The following NHS variants were observed in gnomAD, a reference collection of about 807,000 sequenced individuals.
NHS encodes the protein NHS actin remodeling regulator, also known as actin remodeling regulator NHS.
NHS carries 5 observed loss-of-function variants against 72.5 expected under a neutral mutation model. That is an observed-to-expected ratio of 0.07 (90% CI 0.04 to 0.14). The LOEUF (loss-of-function observed/expected upper bound fraction) is 0.14. NHS is among the 10% of genes least tolerant of loss of function. NHS has a pLI of 1.00. For missense variants in NHS, 1,072 were observed against 1,355.7 expected (o/e 0.79, Z 3.29); for synonymous variants, 464 against 547.7 (o/e 0.85, Z 2.13).
At chrX:17,588,636 C>T (rs1474419998) in intron 1 of NHS, among the ~76,000 whole-genome samples, 6 of 109,648 alleles carry the variant, frequency 5.5e-5, no homozygotes, top group African/African-American at 1.3e-4. Flanking sequence ...TCAAACCTCA[C>T]GACCTAGCAA....
chrX:17,700,805 C>A (rs1232597918), intron 3 of NHS, among the ~76,000 whole-genome samples: 4 of 111,547 alleles, frequency 3.6e-5, no homozygotes, highest in Non-Finnish European at 7.5e-5. Flanking sequence ...AGCAGGAAGA[C>A]CTTTATGAAC....
chrX:17,625,762 T>G lies in NHS; in HGVS notation c.566-61980T>G, dbSNP rs1268631120. On this transcript the variant is annotated intron_variant, in intron 1 of 8. Transcript: ENST00000676302. The stretch of plus-strand genomic sequence containing the variant: ...TATTTAGCCCACTCTTTTCAAAATA[T>G]TATCATTTTGGTATATAAAATCAAC... Among the ~76,000 whole-genome samples the G allele has an allele frequency of 3.6e-5, 4 of 112,056 alleles. No homozygotes were observed. The East Asian group carries it at 1.1e-3, about 31-fold the overall frequency.
At position 17,692,478 on chromosome X, in the gene NHS, G is replaced by A; in HGVS notation, c.852+10G>A. On this transcript the variant is annotated intron_variant, in intron 3 of 8. Coordinates refer to ENST00000676302, the MANE Select transcript of NHS (RefSeq NM_001291867.2). ...CCGTCACTTTTTAACGGTAAGTTTG[G>A]TGGCCACCTGCAGCCCTATGCTTGC... is the stretch of plus-strand genomic sequence containing the variant. The A allele has an allele frequency of 8.3e-7, 1 of 1,210,388 alleles. No homozygotes were observed.
intron 1 of NHS, among the ~76,000 whole-genome samples, chrX:17,389,264 C>T (rs2064427637): frequency 8.9e-6 from 1 of 112,063 alleles, no homozygotes; most frequent in Admixed American, 9.4e-5. Context: ...GGTAATACTA[C>T]TTTCAGGTAG....
chrX:17,498,365 C>T (rs918895084), intron 1 of NHS, among the ~76,000 whole-genome samples: 2 of 111,132 alleles, frequency 1.8e-5, no homozygotes, highest in Non-Finnish European at 3.8e-5. Flanking sequence ...CCACACCTGC[C>T]TCTATCTGAT....
intron 1 of NHS, among the ~76,000 whole-genome samples, chrX:17,498,488 G>A (rs767245724): frequency 2.5e-4 from 28 of 111,849 alleles, no homozygotes; most frequent in African/African-American, 8.8e-4. Flanking sequence ...TGCAATTCAG[G>A]GTGTTGCAGT....
intron 1 of NHS, among the ~76,000 whole-genome samples, chrX:17,644,981 G>A (rs2065899707): frequency 9.1e-6 from 1 of 110,481 alleles, no homozygotes. Flanking sequence ...TTTCATCTCT[G>A]CTATAGTATT....
intron 1 of NHS, among the ~76,000 whole-genome samples, chrX:17,551,983 TC>T (rs1437990409): frequency 9.0e-6 from 1 of 111,209 alleles, no homozygotes; most frequent in Non-Finnish European, 1.9e-5. Flanking sequence ...ATATCTTTAG[TC>T]TTTACAAGAA....
intron 1 of NHS, among the ~76,000 whole-genome samples, chrX:17,681,511 G>C (rs181087028): frequency 1.8e-5 from 2 of 111,553 alleles, no homozygotes; most frequent in African/African-American, 6.5e-5. Flanking sequence ...GGATTTTGGT[G>C]ACTGGCATCA....
At chrX:17,527,960 T>C (rs894791413) in intron 1 of NHS, among the ~76,000 whole-genome samples, 3 of 111,487 alleles carry the variant, frequency 2.7e-5, no homozygotes, top group Non-Finnish European at 3.8e-5. Flanking sequence ...GGCTGAAACC[T>C]GTGAGATGTT....
chrX:17,721,330 C>A (rs2066404507), intron 4 of NHS, 111 bp from the exon 5 acceptor site: 1 of 684,714 alleles, frequency 1.5e-6, no homozygotes, highest in Non-Finnish European at 2.3e-6. Flanking sequence ...CTTCCTTTGT[C>A]CTAAGGGCCT....
At chrX:17,587,551 T>A (rs908903575) in intron 1 of NHS, among the ~76,000 whole-genome samples, 19 of 112,360 alleles carry the variant, frequency 1.7e-4, no homozygotes, top group African/African-American at 6.2e-4. Context: ...TTTAAAATGC[T>A]AATTACGCAA....
chrX:17,679,859 A>AGGG (rs138011299), intron 1 of NHS, among the ~76,000 whole-genome samples: 6 of 78,497 alleles, frequency 7.6e-5, no homozygotes, highest in Non-Finnish European at 1.3e-4. Flanking sequence ...GAATGAAGAA[A>AGGG]GGGGGGGGGG....
chrX:17,657,014 C>T (rs955185654), intron 1 of NHS, among the ~76,000 whole-genome samples: 1 of 112,998 alleles, frequency 8.8e-6, no homozygotes, highest in African/African-American at 3.2e-5. Flanking sequence ...TTAGGATGAG[C>T]TGGAAGAGAG....
intron 1 of NHS, among the ~76,000 whole-genome samples, chrX:17,427,093 A>G: frequency 8.9e-6 from 1 of 112,127 alleles, no homozygotes; most frequent in East Asian, 2.8e-4. Context: ...TCTCTCTGAC[A>G]TGGAGATAAA....
At chrX:17,513,740 A>G (rs760965310) in intron 1 of NHS, among the ~76,000 whole-genome samples, 2 of 112,150 alleles carry the variant, frequency 1.8e-5, no homozygotes, top group East Asian at 5.6e-4. Flanking sequence ...CTGGAAATGT[A>G]TTTGGTTGTC....
At chrX:17,698,057 CAG>C (rs1271006732) in intron 3 of NHS, among the ~76,000 whole-genome samples, 3 of 111,161 alleles carry the variant, frequency 2.7e-5, no homozygotes, top group Non-Finnish European at 3.8e-5. Context: ...TAACATTTAT[CAG>C]AGTTTAGTCA....
Position 17,717,515 on chromosome X carries a change from A to C in NHS, c.853-1829A>C, listed in dbSNP as rs181068083. 4.4e-5 allele frequency among the ~76,000 whole-genome samples: 5 copies of C among 112,753 alleles called. No homozygotes were observed. The East Asian group carries it at 1.1e-3, about 25-fold the overall frequency. On this transcript the variant is annotated intron_variant, in intron 3 of 8. Transcript: ENST00000676302. Reference sequence around the variant, plus strand: ...CTATAATAGAGGCCCAGCTGAATCTAAAGCTGATATGGCTTAGAGTTTTAA... The same window carrying C: ...CTATAATAGAGGCCCAGCTGAATCTCAAGCTGATATGGCTTAGAGTTTTAA...
chrX:17,554,214 G>A (rs1439635926), intron 1 of NHS, among the ~76,000 whole-genome samples: 2 of 112,224 alleles, frequency 1.8e-5, no homozygotes, highest in Admixed American at 1.9e-4. Flanking sequence ...GGAAACTGTT[G>A]ACCCAGGAGC....
Sources: gnomAD v4.1 joint callset for allele counts (sites outside exome capture counted in the v4.1 genomes callset) on GRCh38, gnomAD v4.1.1 for gene constraint, MANE v1.5 for transcripts, NCBI Gene and HGNC (gene_info 2026-07-23, HGNC 2026-07-21) for gene names.